The following TRPM3 variants were observed in gnomAD, a reference collection of about 807,000 sequenced individuals.
TRPM3 encodes the protein transient receptor potential cation channel subfamily M member 3, also known as long transient receptor potential channel 3.
Under a neutral mutation model 181.2 loss-of-function variants are expected in TRPM3, and 77 were observed. The ratio of observed to expected loss-of-function variants is 0.42; its 90% CI spans 0.35 to 0.51. The LOEUF (loss-of-function observed/expected upper bound fraction) is 0.51. Among genes scored for constraint, TRPM3 ranks in the 20% least tolerant of loss-of-function variants. The probability of loss-of-function intolerance (pLI) is 0.01; values close to 1 mark genes in which losing one functional copy is unlikely to be tolerated. For missense variants in TRPM3, 1,759 were observed against 2,196.7 expected (o/e 0.80, Z 3.98); for synonymous variants, 745 against 796.4 (o/e 0.94, Z 1.09).
rs564045303 is a variant in TRPM3, at chr9:70,554,305, T to C, written c.3224-995A>G. Among the ~76,000 whole-genome samples, 9 of 152,238 alleles carry C rather than the reference T, an allele frequency of 5.9e-5. No individual in the cohort carries two copies. In the South Asian group the frequency reaches 1.9e-3, roughly 32 times the overall value. On this transcript the variant is annotated intron_variant, in intron 22 of 25. Transcript: ENST00000677713. ...TCCTCTCCAGCCCCCTATAATGGCT[T>C]TAGAACAAGGCTCTTTACATCTACC...
chr9:71,209,695 G>A (rs2131790605), intron 1 of TRPM3, among the ~76,000 whole-genome samples: 1 of 152,148 alleles, frequency 6.6e-6, no homozygotes. Flanking sequence ...CTTTTTGTCT[G>A]GTCCATGAGC....
intron 6 of TRPM3, among the ~76,000 whole-genome samples, chr9:70,814,002 G>A (rs2092430512): frequency 6.6e-6 from 1 of 152,174 alleles, no homozygotes; most frequent in South Asian, 2.1e-4. Context: ...ACAGTGCCTT[G>A]AGCATTACAG....
At chr9:71,249,722 C>G (rs2082232191) in intron 1 of TRPM3, among the ~76,000 whole-genome samples, 1 of 151,904 alleles carries the variant, frequency 6.6e-6, no homozygotes, top group South Asian at 2.1e-4. Flanking sequence ...AAGGAATGTC[C>G]CAAAGACCTT....
At chr9:70,863,174 G>A (rs1315863141) in intron 2 of TRPM3, 62 bp from the exon 3 acceptor site, 3 of 1,426,606 alleles carry the variant, frequency 2.1e-6, no homozygotes, top group East Asian at 2.3e-5. Context: ...ACACACTTAA[G>A]GCAACCAGCT....
chr9:71,430,721 G>T (rs2093941382), intron 1 of TRPM3, among the ~76,000 whole-genome samples: 1 of 152,072 alleles, frequency 6.6e-6, no homozygotes, highest in South Asian at 2.1e-4. Context: ...TGGAGCAGGA[G>T]AATCGCTTGA....
At chr9:70,808,825 G>A (rs975171270) in intron 6 of TRPM3, among the ~76,000 whole-genome samples, 1 of 152,182 alleles carries the variant, frequency 6.6e-6, no homozygotes, top group Non-Finnish European at 1.5e-5. Context: ...GACTGTTTGA[G>A]GCAGTAGAAA....
chr9:71,113,647 T>A (rs2071639084), intron 1 of TRPM3, among the ~76,000 whole-genome samples: 1 of 152,204 alleles, frequency 6.6e-6, no homozygotes, highest in African/African-American at 2.4e-5. Flanking sequence ...GTTTCCTGCA[T>A]GATCCCTTAA....
At chr9:70,751,999 AGTGTGTGTGTGTGTGTGT>A (rs71507124) in intron 8 of TRPM3, among the ~76,000 whole-genome samples, 10 of 104,496 alleles carry the variant, frequency 9.6e-5, no homozygotes, top group African/African-American at 2.8e-4. Context: ...ACATCTCAAC[AGTGTGTGTGTGTGTGTGT>A]GTGTGTGTGT....
chr9:71,259,333 T>C (rs1198855885), intron 1 of TRPM3, among the ~76,000 whole-genome samples: 1 of 152,224 alleles, frequency 6.6e-6, no homozygotes, highest in Non-Finnish European at 1.5e-5. Context: ...TTTGCTATTA[T>C]GAATAGTGCT....
chr9:71,081,400 A>T (rs2064314118), intron 1 of TRPM3, among the ~76,000 whole-genome samples: 1 of 152,178 alleles, frequency 6.6e-6, no homozygotes, highest in South Asian at 2.1e-4. Flanking sequence ...ATCTTTAAAA[A>T]ATGGGATAAT....
chr9:70,645,854 G>A (rs1226176016), intron 9 of TRPM3, among the ~76,000 whole-genome samples: 1 of 152,068 alleles, frequency 6.6e-6, no homozygotes, highest in Non-Finnish European at 1.5e-5. Flanking sequence ...CTAATATCCA[G>A]AATCTATAAG....
intron 21 of TRPM3, among the ~76,000 whole-genome samples, chr9:70,592,067 ATC>A (rs745877913): frequency 4.6e-5 from 7 of 152,094 alleles, no homozygotes; most frequent in Non-Finnish European, 7.4e-5. Context: ...GTTATTTGGG[ATC>A]TGTTTCTTAT....
chr9:70,567,711 T>C (rs2051008512), intron 22 of TRPM3, among the ~76,000 whole-genome samples: 1 of 151,512 alleles, frequency 6.6e-6, no homozygotes, highest in Non-Finnish European at 1.5e-5. Context: ...GAAAACAAGT[T>C]GGGCTTTTTC....
intron 1 of TRPM3, among the ~76,000 whole-genome samples, chr9:70,916,780 G>C (rs1227467570): frequency 3.3e-5 from 5 of 152,206 alleles, no homozygotes; most frequent in African/African-American, 1.2e-4. Flanking sequence ...ATGGAAAAAT[G>C]CTTCAGCTCA....
At chr9:71,002,461 G>A (rs1457926642) in intron 1 of TRPM3, among the ~76,000 whole-genome samples, 3 of 152,140 alleles carry the variant, frequency 2.0e-5, no homozygotes, top group African/African-American at 4.8e-5. Flanking sequence ...ATGAAAGACC[G>A]AGTTTAATAT....
intron 22 of TRPM3, among the ~76,000 whole-genome samples, chr9:70,584,713 AT>A (rs1225034932): frequency 6.6e-6 from 1 of 152,128 alleles, no homozygotes; most frequent in East Asian, 1.9e-4. Flanking sequence ...TAGTCCTTTG[AT>A]TATTCCTTTT....
At chr9:70,628,699 G>C (rs1484240293) in intron 12 of TRPM3, among the ~76,000 whole-genome samples, 1 of 151,330 alleles carries the variant, frequency 6.6e-6, no homozygotes, top group Non-Finnish European at 1.5e-5. Flanking sequence ...GCATGCACCT[G>C]TAGTCTCAGC....
chr9:70,533,191 T>G lies in TRPM3; in HGVS notation c.*2762A>C, dbSNP rs1437031435. 6.6e-6 allele frequency: 1 copy of G among 152,198 alleles called. No individual in the cohort carries two copies. Among genetic ancestry groups the G allele is most frequent in the African/African-American group, 2.4e-5 (1 of 41,452 alleles). 9.4% of individuals were successfully genotyped at this position (152,198 alleles called of 1,614,324 possible). ...GAATGGAAACACTTGAGCTGAAAAT[T>G]TCTTTCCCTCACTTCCAATCTGGCC... On this transcript the variant is annotated 3_prime_UTR_variant, in exon 26 of 26. Coordinates refer to ENST00000677713, the MANE Select transcript of TRPM3 (RefSeq NM_001366145.2).
chr9:71,109,211 G>T (rs2070455956), intron 1 of TRPM3, among the ~76,000 whole-genome samples: 1 of 151,994 alleles, frequency 6.6e-6, no homozygotes. Context: ...TCAGCTTTTG[G>T]ACTTGTCAAG....
Sources: allele counts gnomAD v4.1 joint callset (sites outside exome capture counted in the v4.1 genomes callset), GRCh38; gene constraint gnomAD v4.1.1; transcripts MANE v1.5; gene names NCBI Gene and HGNC (gene_info 2026-07-23, HGNC 2026-07-21).